Variants in ABHD2 observed in about 807,000 individuals in gnomAD.
ABHD2 encodes monoacylglycerol lipase ABHD2.
ABHD2 carries 20 observed loss-of-function variants against 48.1 expected under a neutral mutation model. The ratio of observed to expected loss-of-function variants is 0.42; its 90% confidence interval spans 0.29 to 0.60. The LOEUF (loss-of-function observed/expected upper bound fraction) is 0.60, where lower values mean the gene tolerates loss of function less well. Ranked by LOEUF, ABHD2 falls within the 20% of genes least tolerant of loss-of-function variation. The probability of loss-of-function intolerance (pLI) is 0.24; values close to 1 mark genes in which losing one functional copy is unlikely to be tolerated. For missense variants in ABHD2, 405 were observed against 550.9 expected, an observed-to-expected ratio of 0.74 and a Z score of 2.65; for synonymous variants, 209 against 214.2, an observed-to-expected ratio of 0.98 and a Z score of 0.21.
At chr15:89,052,558 G>GAC in the ABHD2 span, among the ~76,000 whole-genome samples, 309 of 124,226 alleles carry the variant, frequency 2.5e-3, 6 homozygotes, top group Admixed American at 2.0e-3. Flanking sequence ...CAGACAGACA[G>GAC]ACACACACAC....
intron 5 of ABHD2, among the ~76,000 whole-genome samples, chr15:89,170,890 G>C (rs2050915592): frequency 6.6e-6 from 1 of 152,292 alleles, no homozygotes; most frequent in East Asian, 1.9e-4. Context: ...GGCCGAGGGG[G>C]GCGGATCACA....
chr15:89,089,964 C>A (rs190668631), intron 1 of ABHD2, among the ~76,000 whole-genome samples: 1 of 152,274 alleles, frequency 6.6e-6, no homozygotes, highest in Non-Finnish European at 1.5e-5. Flanking sequence ...GGTGGACTCT[C>A]ATTCAGTCTC....
chr15:89,136,573 A>G (rs921120321), intron 3 of ABHD2: 33 of 251,732 alleles, frequency 1.3e-4, no homozygotes, highest in African/African-American at 3.9e-4. Flanking sequence ...TGCTATCTCT[A>G]TGGAGCTCAT....
intron 3 of ABHD2, among the ~76,000 whole-genome samples, chr15:89,142,191 G>T (rs372803309): frequency 6.6e-6 from 1 of 152,224 alleles, no homozygotes; most frequent in South Asian, 2.1e-4. Context: ...CTGTGGTAAA[G>T]TGGGGTTAAC....
rs1021398721 is a variant in ABHD2 at position 89,195,546 on chromosome 15, C to G, written c.*123C>G. On this transcript the variant is annotated 3_prime_UTR_variant, in exon 11 of 11. Coordinates refer to ENST00000352732, the MANE Select transcript of ABHD2 (RefSeq NM_152924.5). The surrounding 1 kb of genome is among the most constrained non-coding windows in gnomAD (Gnocchi z 5.1). ...CTGACCTCACACCATCAGCAGGGGG[C>G]ACCCACCATGCACACCTGTCTCGGA... 3 of 1,051,696 alleles carry G rather than the reference C, an allele frequency of 2.9e-6. No homozygotes were observed. The African/African-American group carries it at 4.8e-5, about 17-fold the overall frequency. The allele number at this position is 1,051,696 out of a possible 1,614,324, so 65.1% of individuals were successfully genotyped here. A position where few individuals can be genotyped will look rare whatever the true frequency, so the allele number is the denominator to read the frequency against.
In ABHD2 at chr15:89,195,161, C is replaced by T. The variant is rs1056881340; in HGVS notation, c.1082-66C>T. ...AGCCAGGCTACCCTAGCCAGCTCACCTCTGCACCTCCTGTCCTGGAGCAAA... is the reference window on the plus strand; with the variant it reads ...AGCCAGGCTACCCTAGCCAGCTCACTTCTGCACCTCCTGTCCTGGAGCAAA... On this transcript the variant is annotated intron_variant, in intron 10 of 10. Coordinates refer to ENST00000352732, the MANE Select transcript of ABHD2 (RefSeq NM_152924.5). This position sits in a 1 kb window ranked among gnomAD's most constrained non-coding sequence, Gnocchi z 5.1. 29 of 1,558,256 alleles carry T rather than the reference C, an allele frequency of 1.9e-5. No individual in the cohort carries two copies. In the African/African-American group the frequency reaches 3.9e-4, roughly 21 times the overall value.
chr15:89,076,871 T>G, the ABHD2 span, among the ~76,000 whole-genome samples: 1 of 152,236 alleles, frequency 6.6e-6, no homozygotes, highest in Non-Finnish European at 1.5e-5. Context: ...TTTATAATTT[T>G]ATAAGGTCCC....
chr15:89,125,886 C>T (rs1045788159), intron 3 of ABHD2, among the ~76,000 whole-genome samples: 1 of 152,156 alleles, frequency 6.6e-6, no homozygotes, highest in Non-Finnish European at 1.5e-5. Flanking sequence ...CAGATTGTAG[C>T]TTCTTCTTAG....
rs147172560 is a variant in ABHD2, at chr15:89,170,278, G to T, written c.539-5534G>T. Among the ~76,000 whole-genome samples, 373 of 151,252 alleles carry T rather than the reference G, an allele frequency of 2.5e-3. 1 individual carries two copies. Among genetic ancestry groups the T allele is most frequent in the African/African-American group, 8.6e-3 (355 of 41,250 alleles). On this transcript the variant is annotated intron_variant, in intron 5 of 10. Coordinates refer to ENST00000352732, the MANE Select transcript of ABHD2 (RefSeq NM_152924.5). ...TGCCTGGATAATTTTTGTATTTTTA[G>T]CAGAGACAGGGTTTCACCATGTTGG...
intron 3 of ABHD2, among the ~76,000 whole-genome samples, chr15:89,128,753 A>G (rs1326351596): frequency 2.0e-5 from 3 of 152,030 alleles, no homozygotes; most frequent in East Asian, 3.9e-4. Flanking sequence ...GTGAGCTGAG[A>G]GCTGTTTGAT....
chr15:89,149,214 A>AAC (rs35689320), intron 3 of ABHD2, among the ~76,000 whole-genome samples: 3,602 of 148,278 alleles, frequency 0.024, 81 homozygotes, highest in African/African-American at 0.061. Flanking sequence ...ATTGATCCCT[A>AAC]ACACACACAC....
At position 89,151,824 on chromosome 15, in the gene ABHD2, C is replaced by T. The variant is rs540498648; in HGVS notation, c.342C>T (p.Phe114=). The change falls in exon 4 of 11, where the codon TTC becomes TTT. Residue 114 remains phenylalanine, a synonymous_variant. Coordinates refer to ENST00000352732, the MANE Select transcript of ABHD2 (RefSeq NM_152924.5). The surrounding 1 kb of genome is among the most constrained non-coding windows in gnomAD (Gnocchi z 4.7). ...SDGATSTFDL[F]EPLAEHCVGD... The stretch of plus-strand genomic sequence containing the variant: ...GAGCCACTTCTACATTCGACCTCTT[C>T]GAGCCCTTGGCTGAGCACTGTGTTG... 2.0e-5 allele frequency: 33 copies of T among 1,614,148 alleles called. No individual in the cohort carries two copies. The highest frequency in any genetic ancestry group is 1.6e-4 in the East Asian group (7 of 44,880).
At chr15:89,049,432 T>G in the ABHD2 span, among the ~76,000 whole-genome samples, 1 of 152,254 alleles carries the variant, frequency 6.6e-6, no homozygotes, top group Non-Finnish European at 1.5e-5. Flanking sequence ...TCGAGCTTCC[T>G]GGCTGCTTTG....
At chr15:89,074,131 T>G in the ABHD2 span, among the ~76,000 whole-genome samples, 1 of 152,148 alleles carries the variant, frequency 6.6e-6, no homozygotes, top group Non-Finnish European at 1.5e-5. Context: ...CCCAGCACTT[T>G]GGGAGGCCGA....
At chr15:89,062,984 T>C in the ABHD2 span, among the ~76,000 whole-genome samples, 1 of 151,234 alleles carries the variant, frequency 6.6e-6, no homozygotes, top group Non-Finnish European at 1.5e-5. Context: ...TTTTTTTTTT[T>C]TCAGACAGAG....
the ABHD2 span, among the ~76,000 whole-genome samples, chr15:89,056,907 C>CTTTTTTTTTTTT: frequency 3.4e-5 from 4 of 119,098 alleles, 1 homozygote; most frequent in Non-Finnish European, 3.6e-5. Context: ...ATAAGTGATA[C>CTTTTTTTTTTTT]CTTTTTTTTT....
rs1288970777 is a variant in ABHD2, at chr15:89,182,822, T to C, written c.723-2602T>C. On this transcript the variant is annotated intron_variant, in intron 6 of 10. Coordinates refer to ENST00000352732, the MANE Select transcript of ABHD2 (RefSeq NM_152924.5). This position sits in a 1 kb window ranked among gnomAD's most constrained non-coding sequence, Gnocchi z 4.8. ...AACAAAAACAAAAAAAGAACTTGGATAGGCAAGTAAGGTATTTGTGCAGTG... is the reference window on the plus strand; with the variant it reads ...AACAAAAACAAAAAAAGAACTTGGACAGGCAAGTAAGGTATTTGTGCAGTG... Among the ~76,000 whole-genome samples the C allele has an allele frequency of 2.0e-5, 3 of 152,028 alleles. No homozygotes were observed. Among genetic ancestry groups the C allele is most frequent in the Non-Finnish European group, 4.4e-5 (3 of 68,000 alleles).
At chr15:89,136,175 C>T (rs1339367950) in intron 3 of ABHD2, 3 of 227,750 alleles carry the variant, frequency 1.3e-5, no homozygotes, top group Admixed American at 5.1e-5. Context: ...GTGATCTACC[C>T]GCCTCAGCCT....
chr15:89,190,636 C>A (rs1282530919), intron 8 of ABHD2, among the ~76,000 whole-genome samples: 4 of 152,132 alleles, frequency 2.6e-5, no homozygotes, highest in Non-Finnish European at 5.9e-5. Context: ...CTATAGATAA[C>A]AATTACTACA....
Sources: gnomAD v4.1 joint callset for allele counts (sites outside exome capture counted in the v4.1 genomes callset) on GRCh38, gnomAD v4.1.1 for gene constraint, Gnocchi (gnomAD v3.1) non-coding constraint, MANE v1.5 for transcripts, NCBI Gene and HGNC (gene_info 2026-07-23, HGNC 2026-07-21) for gene names.